The following PTPRD variants were observed in gnomAD, a reference collection of about 807,000 sequenced individuals.
PTPRD encodes protein tyrosine phosphatase receptor type D.
In PTPRD, 34 loss-of-function variants were observed where a neutral mutation model predicts 214.5. The ratio of observed to expected loss-of-function variants is 0.16; its 90% confidence interval spans 0.12 to 0.21. The LOEUF is 0.21. Among genes scored for constraint, PTPRD ranks in the 10% least tolerant of loss-of-function variants. The probability of loss-of-function intolerance (pLI) is 1.00; values close to 1 mark genes in which losing one functional copy is unlikely to be tolerated. For synonymous variants in PTPRD, 1,128 were observed against 845.7 expected (o/e 1.33, Z -5.79); for missense variants, 2,545 against 2,398.7 (o/e 1.06, Z -1.27).
At chr9:8,982,362 T>A (rs572762359) in intron 11 of PTPRD, among the ~76,000 whole-genome samples, 37 of 152,096 alleles carry the variant, frequency 2.4e-4, no homozygotes, top group African/African-American at 8.7e-4. Flanking sequence ...TTTATTTCCC[T>A]CTATAAGTCT....
At chr9:9,961,448 T>C (rs1035324275) in intron 4 of PTPRD, among the ~76,000 whole-genome samples, 5 of 152,178 alleles carry the variant, frequency 3.3e-5, no homozygotes, top group African/African-American at 1.2e-4. Context: ...ATTAATTTAA[T>C]ATGATAAAGT....
intron 3 of PTPRD, among the ~76,000 whole-genome samples, chr9:10,248,435 A>G (rs1403506433): frequency 2.6e-5 from 4 of 151,694 alleles, no homozygotes; most frequent in African/African-American, 9.7e-5. Context: ...GCTATTCACC[A>G]AAACAAGAAA....
intron 11 of PTPRD, among the ~76,000 whole-genome samples, chr9:8,871,600 G>A (rs140896784): frequency 1.3e-5 from 2 of 152,220 alleles, no homozygotes; most frequent in East Asian, 1.9e-4. Context: ...ACCTTTGGAA[G>A]TAACTTTGAT....
chr9:8,387,124 T>A (rs768818779), intron 37 of PTPRD, among the ~76,000 whole-genome samples: 71 of 152,186 alleles, frequency 4.7e-4, no homozygotes, highest in Non-Finnish European at 8.4e-4. Context: ...TTTAATTGGC[T>A]TCCTTAGGCC....
At chr9:10,556,323 T>C (rs1282309669) in intron 2 of PTPRD, among the ~76,000 whole-genome samples, 2 of 151,706 alleles carry the variant, frequency 1.3e-5, no homozygotes, top group South Asian at 2.1e-4. Flanking sequence ...AATAGAGTGG[T>C]AAATATTTAG....
At chr9:9,442,726 A>G (rs370932562) in intron 8 of PTPRD, among the ~76,000 whole-genome samples, 1 of 152,182 alleles carries the variant, frequency 6.6e-6, no homozygotes, top group Non-Finnish European at 1.5e-5. Context: ...GAAACAGAGA[A>G]TGTTGCCATT....
At chr9:8,646,823 C>A (rs72700310) in intron 12 of PTPRD, among the ~76,000 whole-genome samples, 6,562 of 152,204 alleles carry the variant, frequency 0.043, 428 homozygotes, top group African/African-American at 0.14. Flanking sequence ...CCCAACCATA[C>A]CCAGCACATA....
At chr9:10,094,967 C>G (rs112972246) in intron 3 of PTPRD, among the ~76,000 whole-genome samples, 85 of 151,480 alleles carry the variant, frequency 5.6e-4, no homozygotes, top group African/African-American at 1.8e-3. Context: ...TTAAAATGTC[C>G]TATATGCTGT....
chr9:9,307,542 T>C (rs1198278704), intron 9 of PTPRD, among the ~76,000 whole-genome samples: 1 of 152,174 alleles, frequency 6.6e-6, no homozygotes, highest in African/African-American at 2.4e-5. Context: ...TGTGCTGTTA[T>C]ATCACTAATC....
intron 5 of PTPRD, among the ~76,000 whole-genome samples, chr9:9,855,415 A>G (rs2061364543): frequency 6.6e-6 from 1 of 152,166 alleles, no homozygotes; most frequent in Non-Finnish European, 1.5e-5. Flanking sequence ...TTGCCACATC[A>G]TAGCTGATCA....
chr9:8,716,720 G>C (rs1049079569), intron 12 of PTPRD, among the ~76,000 whole-genome samples: 1 of 149,636 alleles, frequency 6.7e-6, no homozygotes, highest in Admixed American at 6.6e-5. Flanking sequence ...AGGAAGAAGA[G>C]AATGGGTGGT....
intron 11 of PTPRD, among the ~76,000 whole-genome samples, chr9:8,963,610 A>C (rs1175219796): frequency 6.6e-6 from 1 of 151,894 alleles, no homozygotes; most frequent in East Asian, 1.9e-4. Flanking sequence ...AATAAAGCCT[A>C]CATGATCACA....
At chr9:8,962,476 C>A (rs1402211344) in intron 11 of PTPRD, among the ~76,000 whole-genome samples, 1 of 150,990 alleles carries the variant, frequency 6.6e-6, no homozygotes, top group Non-Finnish European at 1.5e-5. Flanking sequence ...ATCTTCCCTA[C>A]CAAATGACTA....
chr9:9,008,710 A>G (rs949622014), intron 11 of PTPRD, among the ~76,000 whole-genome samples: 1 of 152,174 alleles, frequency 6.6e-6, no homozygotes, highest in Non-Finnish European at 1.5e-5. Flanking sequence ...TATTTAACAT[A>G]ATTTTGGCAT....
intron 4 of PTPRD, among the ~76,000 whole-genome samples, chr9:9,970,506 G>A (rs74961646): frequency 6.6e-6 from 1 of 151,946 alleles, no homozygotes; most frequent in African/African-American, 2.4e-5. Flanking sequence ...CATCTGGTTG[G>A]GTGGACAGTC....
Position 10,329,310 on chromosome 9 carries a change from C to A in PTPRD, c.-545+11653G>T, listed in dbSNP as rs150892309. Among the ~76,000 whole-genome samples the A allele has an allele frequency of 4.5e-3, 688 of 151,740 alleles. 9 individuals are homozygous for A. The highest frequency in any genetic ancestry group is 0.022 in the South Asian group (107 of 4,808). On this transcript the variant is annotated intron_variant, in intron 3 of 45. Coordinates refer to ENST00000381196, the MANE Select transcript of PTPRD (RefSeq NM_002839.4). ...GTCATTGCCCTCTTTGCCATTTGGG[C>A]AATACATGACTTATTTCAAGAAAGC... is the stretch of plus-strand genomic sequence containing the variant.
chr9:8,845,660 C>G (rs58895360), intron 11 of PTPRD, among the ~76,000 whole-genome samples: 2,632 of 152,322 alleles, frequency 0.017, 89 homozygotes, highest in African/African-American at 0.06. Flanking sequence ...GTCTAAGTAA[C>G]ACTGGGTTTC....
intron 11 of PTPRD, among the ~76,000 whole-genome samples, chr9:8,969,317 C>T (rs2099221621): frequency 6.6e-6 from 1 of 152,004 alleles, no homozygotes; most frequent in Non-Finnish European, 1.5e-5. Context: ...ATCTGGCAGT[C>T]CTTTGGCAAA....
chr9:9,969,348 C>T (rs2382088), intron 4 of PTPRD, among the ~76,000 whole-genome samples: 7,051 of 152,144 alleles, frequency 0.046, 550 homozygotes, highest in African/African-American at 0.16. Context: ...CTCTTTCCTC[C>T]TCAACTTCCT....
Sources: allele counts gnomAD v4.1 joint callset (sites outside exome capture counted in the v4.1 genomes callset), GRCh38; gene constraint gnomAD v4.1.1; transcripts MANE v1.5; gene names NCBI Gene and HGNC (gene_info 2026-07-23, HGNC 2026-07-21).